Variants in GPBP1L1 observed in about 807,000 individuals in gnomAD.
The protein encoded by GPBP1L1 is vasculin-like protein 1.
Under a neutral mutation model 52.5 loss-of-function variants are expected in GPBP1L1, and 23 were observed. The observed-to-expected ratio is 0.44, with a 90% CI of 0.32 to 0.62. GPBP1L1 has a LOEUF of 0.62. GPBP1L1 is among the 20% of genes least tolerant of loss of function. GPBP1L1 has a pLI of 0.06. For synonymous variants in GPBP1L1, 243 were observed against 203.1 expected, an observed-to-expected ratio of 1.20 and a Z score of -1.67; for missense variants, 596 against 579.3, an observed-to-expected ratio of 1.03 and a Z score of -0.30.
chr1:45,635,252 C>T (rs546318355), intron 8 of GPBP1L1: 3 of 152,112 alleles, frequency 2.0e-5, no homozygotes, highest in African/African-American at 7.2e-5. Flanking sequence ...TAAATGAAAC[C>T]ACCTTTCCAC....
chr1:45,684,045 G>A (rs562348810), intron 2 of GPBP1L1, among the ~76,000 whole-genome samples: 1 of 152,028 alleles, frequency 6.6e-6, no homozygotes, highest in Admixed American at 6.5e-5. Flanking sequence ...ATCACCTGAG[G>A]TCAGGAGTTC....
intron 6 of GPBP1L1, among the ~76,000 whole-genome samples, chr1:45,652,574 G>C (rs1037438089): frequency 1.3e-5 from 2 of 152,118 alleles, no homozygotes; most frequent in African/African-American, 2.4e-5. Flanking sequence ...TATATGCACA[G>C]TTGGCTATGG....
At position 45,634,172 on chromosome 1, in the gene GPBP1L1, G is replaced by A. The variant is rs972753038; in HGVS notation, c.809C>T (p.Ser270Phe). Residue 270 changes from serine to phenylalanine, a missense_variant, in exon 9 of 13, where the codon TCT becomes TTT. Physicochemically the swap from Ser to Phe is radical, Grantham distance 155. Transcript: ENST00000355105. The stretch of plus-strand genomic sequence containing the variant: ...AACAGAGATTGGACTGGTAAAAGCA[G>A]ACTCCCGGCTAGAGGAAAGGGATCC... ...KSGSLSSSRE[S>F]AFTSPISVTK... 3.1e-6 allele frequency: 5 copies of A among 1,613,744 alleles called. No individual in the cohort carries two copies. In the African/African-American group the frequency reaches 5.3e-5, roughly 17 times the overall value.
chr1:45,635,309 C>T (rs1047877238), intron 8 of GPBP1L1: 5 of 152,072 alleles, frequency 3.3e-5, no homozygotes, highest in African/African-American at 7.2e-5. Context: ...ATAAGAGAAA[C>T]GATGACCCAA....
At chr1:45,639,574 T>TAAA (rs60435928) in intron 8 of GPBP1L1, among the ~76,000 whole-genome samples, 4,151 of 130,066 alleles carry the variant, frequency 0.032, 122 homozygotes, top group East Asian at 0.15. Context: ...AAAAAATAAT[T>TAAA]AAAAAAAAAA....
At chr1:45,680,372 G>A (rs1353962073) in intron 2 of GPBP1L1, among the ~76,000 whole-genome samples, 1 of 151,416 alleles carries the variant, frequency 6.6e-6, no homozygotes, top group African/African-American at 2.4e-5. Flanking sequence ...CAGAGCAGCT[G>A]GGATTACAGA....
At chr1:45,651,381 T>G in intron 6 of GPBP1L1, 1 of 383,596 alleles carries the variant, frequency 2.6e-6, no homozygotes, top group Non-Finnish European at 5.0e-6. Flanking sequence ...TGAGTCTTCG[T>G]GTTCTCCACC....
chr1:45,631,858 T>C (rs1644535105), intron 10 of GPBP1L1, among the ~76,000 whole-genome samples: 1 of 152,086 alleles, frequency 6.6e-6, no homozygotes, highest in Non-Finnish European at 1.5e-5. Context: ...AGGTCGAGGC[T>C]GCAGTGAACT....
At position 45,655,182 on chromosome 1, in the gene GPBP1L1, T is replaced by C. The variant is rs1426059340; in HGVS notation, c.190+8A>G. On this transcript the variant is annotated splice_region_variant and intron_variant, in intron 5 of 12. Coordinates refer to ENST00000355105, the MANE Select transcript of GPBP1L1 (RefSeq NM_021639.5). ...TAAATATAGTCATGAAAGTTGGACA[T>C]GGCTCACCTCCTGCAGTTCGTAGGG... The C allele has an allele frequency of 1.2e-6, 2 of 1,614,050 alleles. No homozygotes were observed.
At chr1:45,668,463 G>A (rs552462173) in intron 2 of GPBP1L1, among the ~76,000 whole-genome samples, 3 of 152,252 alleles carry the variant, frequency 2.0e-5, no homozygotes, top group Non-Finnish European at 2.9e-5. Flanking sequence ...AGGCCATCCT[G>A]GCCAACATGG....
Position 45,632,056 on chromosome 1 carries a change from A to G in GPBP1L1, c.1044+1433T>C, listed in dbSNP as rs567245163. ...ACCAACATGGTGAAACCTTGTCTCT[A>G]CTACATACAAAAAAAATTCCAGAAA... On this transcript the variant is annotated intron_variant, in intron 10 of 12. Coordinates refer to ENST00000355105, the MANE Select transcript of GPBP1L1 (RefSeq NM_021639.5). 2.6e-5 allele frequency among the ~76,000 whole-genome samples: 4 copies of G among 152,156 alleles called. No homozygotes were observed. In the East Asian group the frequency reaches 7.7e-4, roughly 29 times the overall value.
At chr1:45,684,437 A>T (rs1483353535) in intron 2 of GPBP1L1, among the ~76,000 whole-genome samples, 2 of 152,084 alleles carry the variant, frequency 1.3e-5, no homozygotes, top group Non-Finnish European at 2.9e-5. Flanking sequence ...ACTCAAAATT[A>T]AAAATGAATT....
intron 2 of GPBP1L1, among the ~76,000 whole-genome samples, chr1:45,674,209 C>G (rs1396925824): frequency 6.6e-6 from 1 of 152,132 alleles, no homozygotes; most frequent in African/African-American, 2.4e-5. Context: ...GTTCTCAAAC[C>G]TGGATTACAT....
rs180812371 is a variant in GPBP1L1 at position 45,675,765 on chromosome 1, T to C, written c.-1098+9811A>G. On this transcript the variant is annotated intron_variant, in intron 2 of 12. Transcript: ENST00000355105. Reference sequence around the variant, plus strand: ...CATGTTGCCCAGGCTGGTCTCAAACTCCTGGAGTCAAGCAATCCACCAGCC... The same window carrying C: ...CATGTTGCCCAGGCTGGTCTCAAACCCCTGGAGTCAAGCAATCCACCAGCC... 3.7e-3 allele frequency among the ~76,000 whole-genome samples: 560 copies of C among 152,224 alleles called. 4 individuals are homozygous for C. The highest frequency in any genetic ancestry group is 0.013 in the African/African-American group (529 of 41,534).
At chr1:45,662,287 A>G (rs1353362140) in intron 2 of GPBP1L1, among the ~76,000 whole-genome samples, 1 of 152,144 alleles carries the variant, frequency 6.6e-6, no homozygotes, top group South Asian at 2.1e-4. Flanking sequence ...GACTACAGAT[A>G]TGCACCATCA....
chr1:45,653,702 C>CCT (rs533136837), intron 6 of GPBP1L1, among the ~76,000 whole-genome samples: 1 of 143,094 alleles, frequency 7.0e-6, no homozygotes, highest in Non-Finnish European at 1.5e-5. Context: ...TCTTTTTTTT[C>CCT]TTTTTTTTTT....
chr1:45,652,091 C>T (rs914781517), intron 6 of GPBP1L1, among the ~76,000 whole-genome samples: 1 of 152,180 alleles, frequency 6.6e-6, no homozygotes, highest in Non-Finnish European at 1.5e-5. Flanking sequence ...ATGAGGCTGT[C>T]CAGTGCGTTT....
chr1:45,647,304 C>A (rs568224562), intron 6 of GPBP1L1, among the ~76,000 whole-genome samples: 201 of 152,016 alleles, frequency 1.3e-3, no homozygotes, highest in East Asian at 2.3e-3. Context: ...TTCTCCCTAC[C>A]GCTTTTATCT....
chr1:45,638,298 T>C (rs1251680062), intron 8 of GPBP1L1, among the ~76,000 whole-genome samples: 2 of 152,230 alleles, frequency 1.3e-5, no homozygotes, highest in East Asian at 3.8e-4. Context: ...TAGTTCCTTT[T>C]ACTGTCAAGG....
Sources: allele counts gnomAD v4.1 joint callset (sites outside exome capture counted in the v4.1 genomes callset), GRCh38; gene constraint gnomAD v4.1.1; transcripts MANE v1.5; gene names NCBI Gene and HGNC (gene_info 2026-07-23, HGNC 2026-07-21).